The following ARID3C variants were observed in gnomAD, a reference collection of about 807,000 sequenced individuals.
ARID3C encodes the protein AT-rich interactive domain-containing protein 3C.
ARID3C carries 42 observed loss-of-function variants against 37.9 expected under a neutral mutation model. The ratio of observed to expected loss-of-function variants is 1.11; its 90% CI spans 0.87 to 1.43. ARID3C has a LOEUF of 1.43. ARID3C is among the 40% of genes most tolerant of loss of function. The pLI, the probability that ARID3C is intolerant of heterozygous loss-of-function variation, is 0.00. For missense variants in ARID3C, 581 were observed against 548.8 expected, an observed-to-expected ratio of 1.06 and a Z score of -0.59; for synonymous variants, 213 against 228.0, an observed-to-expected ratio of 0.93 and a Z score of 0.59.
At chr9:34,628,565 A>G (rs1398449489), upstream of ARID3C, among the ~76,000 whole-genome samples, 1 of 152,150 alleles carries the variant, frequency 6.6e-6, no homozygotes, top group Non-Finnish European at 1.5e-5. This position sits in a 1 kb window ranked among gnomAD's most constrained non-coding sequence, Gnocchi z 5.2. Flanking sequence ...AGAGAGGTAG[A>G]GGAGCAACAG....
chr9:34,625,162 C>A (rs1820637835), intron 2 of ARID3C, among the ~76,000 whole-genome samples: 1 of 152,116 alleles, frequency 6.6e-6, no homozygotes. Context: ...GATAATGAGT[C>A]AGTGTTCGGT....
chr9:34,627,933 G>A (rs1380190010), exon 1 of ARID3C: 3 of 1,553,828 alleles, frequency 1.9e-6, no homozygotes, highest in South Asian at 1.2e-5. Context: ...GGAGGCTGCG[G>A]TGGCAGCAGC....
chr9:34,623,478 G>T, exon 4 of ARID3C: 1 of 1,540,566 alleles, frequency 6.5e-7, no homozygotes, highest in Non-Finnish European at 8.7e-7. Context: ...TGGCAGGCCG[G>T]AGGTGGAACC....
In ARID3C at chr9:34,627,862, CT is replaced by C; in HGVS notation, c.152del (p.Glu51GlyfsTer84). 1 of 1,589,582 alleles carries C rather than the reference CT, an allele frequency of 6.3e-7. No individual in the cohort carries two copies. The highest frequency in any genetic ancestry group is 8.6e-7 in the Non-Finnish European group (1 of 1,167,664). On this transcript the variant is annotated frameshift_variant, in exon 1 of 7. Transcript: ENST00000378909. LOFTEE classifies it high-confidence loss of function. ...CATCTTCTTCAGCATCTTCCTCTTC[CT>C]CAGCCCCAACATTCCCCAAGGCCCC...
At chr9:34,627,807 C>T (rs747339913) in exon 1 of ARID3C, 2 of 1,613,892 alleles carry the variant, frequency 1.2e-6, no homozygotes, top group Admixed American at 1.7e-5. Context: ...GCTGCCTCCT[C>T]CTCTGCCCCG....
chr9:34,625,623 G>A lies in ARID3C; in HGVS notation c.391+119C>T, dbSNP rs560173522. ...AGGGTCAGAGGTTAAAGACGCTATC[G>A]AGGGCCCAAAGGACAGGTGCTGCCA... On this transcript the variant is annotated intron_variant, in intron 2 of 6. Coordinates refer to ENST00000378909, the Ensembl canonical transcript of ARID3C. The A allele has an allele frequency of 7.9e-5, 81 of 1,020,884 alleles. 3 individuals are homozygous for A. In the Middle Eastern group the frequency reaches 9.6e-4, roughly 12 times the overall value. The allele number at this position is 1,020,884 out of a possible 1,614,324, so 63.2% of individuals were successfully genotyped here.
upstream of ARID3C, among the ~76,000 whole-genome samples, chr9:34,629,062 G>T (rs1400915450): frequency 6.6e-6 from 1 of 150,702 alleles, no homozygotes; most frequent in African/African-American, 2.4e-5. Flanking sequence ...CTCACTCGCC[G>T]CGCTGCTTGC....
chr9:34,621,957 TCCCCATGCCAGCCTAAATACCCCTGA>T, intron 6 of ARID3C, 37 bp downstream of exon 7: 2 of 1,509,074 alleles, frequency 1.3e-6, no homozygotes, highest in Non-Finnish European at 1.8e-6. Flanking sequence ...AAGTCTAAAA[TCCCCATGCCAGCCTAAATACCCCTGA>T]CCCCATGCCA....
Position 34,625,830 on chromosome 9 carries a change from G to C in ARID3C, c.319-16C>G. The C allele has an allele frequency of 6.2e-7, 1 of 1,613,622 alleles. No homozygotes were observed. The highest frequency in any genetic ancestry group is 8.5e-7 in the Non-Finnish European group (1 of 1,179,676). ...GCTCATACAGCTGGGGAAGGATTGG[G>C]GTCATTCTACAGCTCTGCTGACTCC... On this transcript the variant is annotated splice_polypyrimidine_tract_variant and intron_variant, in intron 1 of 6. Coordinates refer to ENST00000378909, the Ensembl canonical transcript of ARID3C.
chr9:34,632,833 T>C (rs142718211), upstream of ARID3C, among the ~76,000 whole-genome samples: 156 of 152,196 alleles, frequency 1.0e-3, 2 homozygotes, highest in East Asian at 0.028. Flanking sequence ...AAGTCTGAGA[T>C]ACCTATTAGA....
exon 7 of ARID3C, chr9:34,621,517 C>A (rs910189775): frequency 7.1e-6 from 11 of 1,557,140 alleles, no homozygotes; most frequent in Non-Finnish European, 9.5e-6. Context: ...TTGGTTGGAC[C>A]CTGGGAAGCT....
chr9:34,629,014 G>A (rs1330865699), upstream of ARID3C, among the ~76,000 whole-genome samples: 1 of 151,906 alleles, frequency 6.6e-6, no homozygotes, highest in Non-Finnish European at 1.5e-5. Flanking sequence ...TCCCGGCGGT[G>A]CGCTCCCGCC....
intron 6 of ARID3C, 21 bp from the exon 8 acceptor site, chr9:34,621,579 TG>T: frequency 6.4e-7 from 1 of 1,554,898 alleles, no homozygotes; most frequent in Non-Finnish European, 8.6e-7. Context: ...GGTGAGGAGA[TG>T]GTAGAGGGCA....
exon 4 of ARID3C, chr9:34,623,509 A>G: frequency 6.4e-7 from 1 of 1,561,646 alleles, no homozygotes; most frequent in Middle Eastern, 1.7e-4. Flanking sequence ...CCAGGGCTGG[A>G]CTGGGTCGCC....
chr9:34,624,513 G>A (rs529599242), intron 2 of ARID3C, among the ~76,000 whole-genome samples: 61 of 152,346 alleles, frequency 4.0e-4, no homozygotes, highest in South Asian at 3.7e-3. Context: ...ACCGCAGGAA[G>A]GACTTTCGGA....
chr9:34,627,429 A>C (rs971663425), intron 1 of ARID3C, among the ~76,000 whole-genome samples: 1 of 152,156 alleles, frequency 6.6e-6, no homozygotes. Flanking sequence ...GATTACCTGA[A>C]GTCAAGAGTT....
upstream of ARID3C, among the ~76,000 whole-genome samples, chr9:34,630,424 G>A (rs1287310331): frequency 6.6e-6 from 1 of 152,196 alleles, no homozygotes; most frequent in Non-Finnish European, 1.5e-5. Context: ...ACTGTGAGGT[G>A]ATGCCAAGTG....
Position 34,628,035 on chromosome 9 carries a change from C to T in ARID3C, c.-21G>A. ...TCCATGACAGCTTCCAGGCGCAGTC[C>T]CCCAGCTGAGGGGGTCCCTGGTACC... is the stretch of plus-strand genomic sequence containing the variant. On this transcript the variant is annotated 5_prime_UTR_variant, in exon 1 of 7. Transcript: ENST00000378909. The surrounding 1 kb of genome is among the most constrained non-coding windows in gnomAD (Gnocchi z 5.2). 1 of 1,460,080 alleles carries T rather than the reference C, an allele frequency of 6.8e-7. No individual in the cohort carries two copies. Among genetic ancestry groups the T allele is most frequent in the Non-Finnish European group, 9.0e-7 (1 of 1,105,866 alleles). The allele number at this position is 1,460,080 out of a possible 1,614,324, so 90.4% of individuals were successfully genotyped here.
chr9:34,622,659 C>A, intron 4 of ARID3C, 130 bp from the exon 6 acceptor site: 1 of 969,356 alleles, frequency 1.0e-6, no homozygotes, highest in Non-Finnish European at 1.5e-6. Flanking sequence ...TTCGATCTAT[C>A]TTCCCATCCA....
Sources: gnomAD v4.1 joint callset for allele counts (sites outside exome capture counted in the v4.1 genomes callset) on GRCh38, gnomAD v4.1.1 for gene constraint, Gnocchi (gnomAD v3.1) non-coding constraint, MANE v1.5 for transcripts, NCBI Gene and HGNC (gene_info 2026-07-23, HGNC 2026-07-21) for gene names.